ARHGEF18: variants seen among roughly 807,000 people sequenced by gnomAD.
The protein encoded by ARHGEF18 is Rho/Rac guanine nucleotide exchange factor 18.
ARHGEF18 carries 93 observed loss-of-function variants against 155.7 expected under a neutral mutation model. That is an observed-to-expected ratio of 0.60 (90% confidence interval 0.50 to 0.71). ARHGEF18 has a LOEUF of 0.71. Among genes scored for constraint, ARHGEF18 ranks in the 30% least tolerant of loss-of-function variants. The probability of loss-of-function intolerance (pLI) is 0.00; values close to 1 mark genes in which losing one functional copy is unlikely to be tolerated. For synonymous variants in ARHGEF18, 742 were observed against 753.1 expected (o/e 0.99, Z 0.24); for missense variants, 1,593 against 1,816.1 (o/e 0.88, Z 2.23).
intron 10 of ARHGEF18, among the ~76,000 whole-genome samples, chr19:7,411,616 C>T (rs1972692578): frequency 6.6e-6 from 1 of 152,024 alleles, no homozygotes; most frequent in South Asian, 2.1e-4. Flanking sequence ...CAAGTGGCAT[C>T]TTTTTTTAAA....
At chr19:7,381,691 T>TAAATAATAAATAAATA (rs533011251) in intron 8 of ARHGEF18, among the ~76,000 whole-genome samples, 2,187 of 146,076 alleles carry the variant, frequency 0.015, 57 homozygotes, top group African/African-American at 0.052. Context: ...AATAAATAAA[T>TAAATAATAAATAAATA]AATAAATAAA....
Position 7,440,452 on chromosome 19 carries a change from C to T in ARHGEF18, c.1076C>T (p.Pro359Leu), listed in dbSNP as rs751248837. Residue 359 changes from proline to leucine, a missense_variant, in exon 11 of 29, where the codon CCG becomes CTG. By Grantham distance (98) the Pro-to-Leu change is moderately conservative. Coordinates refer to ENST00000668164, the MANE Select transcript of ARHGEF18 (RefSeq NM_001367823.1). The surrounding 1 kb of genome is among the most constrained non-coding windows in gnomAD (Gnocchi z 5.4). Reference sequence around the variant, plus strand: ...CAGAAAGGGGGTCCCCAGCCAACACCGAGCCCGGCTGGCCCTGGGACGCAA... The same window carrying T: ...CAGAAAGGGGGTCCCCAGCCAACACTGAGCCCGGCTGGCCCTGGGACGCAA... ...VSQKGGPQPT[P>L]SPAGPGTQLG... 1.1e-5 allele frequency: 17 copies of T among 1,600,126 alleles called. No individual in the cohort carries two copies. The highest frequency in any genetic ancestry group is 3.3e-5 in the Admixed American group (2 of 59,988).
chr19:7,377,228 G>C (rs1293921856), intron 5 of ARHGEF18, among the ~76,000 whole-genome samples: 3 of 152,020 alleles, frequency 2.0e-5, no homozygotes, highest in African/African-American at 7.2e-5. Context: ...CCGCTACCAT[G>C]CCCGGCTAAT....
intron 10 of ARHGEF18, chr19:7,439,783 C>T (rs11668829): frequency 0.34 from 476,866 of 1,412,486 alleles, 82,285 homozygotes; most frequent in Middle Eastern, 0.44. Flanking sequence ...ATGAAGCACG[C>T]CAGGCTCACC....
At chr19:7,388,786 G>A (rs1374711347) in intron 10 of ARHGEF18, among the ~76,000 whole-genome samples, 8 of 151,534 alleles carry the variant, frequency 5.3e-5, no homozygotes, top group Admixed American at 2.0e-4. Context: ...TCACCATGTT[G>A]GCCAGGCTGG....
chr19:7,362,763 T>C lies in ARHGEF18; in HGVS notation c.-110-18T>C. 3 of 1,233,442 alleles carry C rather than the reference T, an allele frequency of 2.4e-6. No individual in the cohort carries two copies. The highest frequency in any genetic ancestry group is 3.0e-6 in the Non-Finnish European group (3 of 987,856). The allele number at this position is 1,233,442 out of a possible 1,614,324, so 76.4% of individuals were successfully genotyped here. A position where few individuals can be genotyped will look rare whatever the true frequency, so the allele number is the denominator to read the frequency against. ...CTCCCAGCTTATCCCTGACACCTTG[T>C]CCCTCCTTTCTCCACAGGCTCTGAG... On this transcript the variant is annotated intron_variant, in intron 1 of 28. Coordinates refer to ENST00000668164, the MANE Select transcript of ARHGEF18 (RefSeq NM_001367823.1).
At chr19:7,410,682 C>T (rs1272108127) in intron 10 of ARHGEF18, among the ~76,000 whole-genome samples, 5 of 151,472 alleles carry the variant, frequency 3.3e-5, no homozygotes, top group African/African-American at 7.3e-5. Context: ...TGGTGGCATG[C>T]ACCTATAATC....
intron 10 of ARHGEF18, among the ~76,000 whole-genome samples, chr19:7,390,274 A>G (rs939459822): frequency 1.3e-5 from 2 of 152,112 alleles, no homozygotes; most frequent in African/African-American, 4.8e-5. Flanking sequence ...TGGGAGACCA[A>G]GGTGGGAGGA....
chr19:7,411,808 TCTA>T (rs1381850406), intron 10 of ARHGEF18, among the ~76,000 whole-genome samples: 1 of 152,042 alleles, frequency 6.6e-6, no homozygotes, highest in African/African-American at 2.4e-5. Flanking sequence ...ACTTCCTGTC[TCTA>T]TGAATCTGAC....
intron 10 of ARHGEF18, among the ~76,000 whole-genome samples, chr19:7,386,855 T>C (rs918617): frequency 0.12 from 17,696 of 151,940 alleles, 2,024 homozygotes; most frequent in African/African-American, 0.29. Context: ...TGTGTGAGCC[T>C]GGAAGTTCCC....
intron 15 of ARHGEF18, among the ~76,000 whole-genome samples, chr19:7,450,669 C>T (rs1600488882): frequency 4.6e-5 from 7 of 151,552 alleles, no homozygotes; most frequent in South Asian, 4.2e-4. Flanking sequence ...TGTCCATTTC[C>T]GAGATGTTAA....
At chr19:7,353,695 G>T (rs1969211523) in intron 1 of ARHGEF18, among the ~76,000 whole-genome samples, 1 of 151,928 alleles carries the variant, frequency 6.6e-6, no homozygotes. Context: ...GCTCACACCT[G>T]TAATCCCAGT....
At chr19:7,396,505 C>G (rs1353715710) in intron 10 of ARHGEF18, among the ~76,000 whole-genome samples, 1 of 152,088 alleles carries the variant, frequency 6.6e-6, no homozygotes, top group African/African-American at 2.4e-5. Flanking sequence ...ATCACGAGGT[C>G]AGGAGATCGA....
At chr19:7,456,172 G>T (rs1393991633) in intron 17 of ARHGEF18, among the ~76,000 whole-genome samples, 155 bp from the exon 18 acceptor site, 1 of 152,170 alleles carries the variant, frequency 6.6e-6, no homozygotes, top group Non-Finnish European at 1.5e-5. Context: ...GAAAGGTGAT[G>T]GGGGGTGCAG....
At chr19:7,364,683 G>T (rs546503806) in intron 2 of ARHGEF18, among the ~76,000 whole-genome samples, 1 of 152,296 alleles carries the variant, frequency 6.6e-6, no homozygotes, top group African/African-American at 2.4e-5. Flanking sequence ...CTGGGACTGA[G>T]GTCGTGGCAA....
intron 10 of ARHGEF18, among the ~76,000 whole-genome samples, chr19:7,419,932 C>T (rs567408312): frequency 1.7e-4 from 26 of 151,790 alleles, no homozygotes; most frequent in Non-Finnish European, 3.1e-4. Flanking sequence ...CACTCGGCCT[C>T]TGTACCCCAG....
Position 7,373,077 on chromosome 19 carries a change from T to C in ARHGEF18, c.275+6T>C. 1 of 1,234,516 alleles carries C rather than the reference T, an allele frequency of 8.1e-7. No homozygotes were observed. Among genetic ancestry groups the C allele is most frequent in the Non-Finnish European group, 1.0e-6 (1 of 988,342 alleles). 76.5% of individuals were successfully genotyped at this position (1,234,516 alleles called of 1,614,324 possible). ...TGCTCAGAGAGCTGGCGGAGGTCAGTTCCCCACTGCTGCCTGCTTCCCACA... is the reference window on the plus strand; with the variant it reads ...TGCTCAGAGAGCTGGCGGAGGTCAGCTCCCCACTGCTGCCTGCTTCCCACA... On this transcript the variant is annotated splice_donor_region_variant and intron_variant, in intron 3 of 28. Transcript: ENST00000668164.
chr19:7,385,937 CCCCTCTCCCTCT>C (rs1971036366), intron 10 of ARHGEF18, among the ~76,000 whole-genome samples: 1 of 76,108 alleles, frequency 1.3e-5, no homozygotes, highest in African/African-American at 6.5e-5. Context: ...TCTCTCTCTC[CCCCTCTCCCTCT>C]CTCTCTCTCC....
In ARHGEF18 at chr19:7,467,577, G is replaced by A. The variant is rs1370771961; in HGVS notation, c.3373G>A (p.Glu1125Lys). 2 of 1,499,828 alleles carry A rather than the reference G, an allele frequency of 1.3e-6. No individual in the cohort carries two copies. The highest frequency in any genetic ancestry group is 1.2e-5 in the South Asian group (1 of 80,292). 92.9% of individuals were successfully genotyped at this position (1,499,828 alleles called of 1,614,324 possible). Residue 1125 changes from glutamate (E) to lysine (K), a missense_variant, in exon 26 of 29, where the codon GAG becomes AAG. Transcript: ENST00000668164. ...AYQHDLERLR[E>K]AQRAVERERE... ...CCAGCACGACCTGGAGCGGCTGCGC[G>A]AGGCCCAGCGTGCCGTGGAGCGCGA...
Sources: allele counts gnomAD v4.1 joint callset (sites outside exome capture counted in the v4.1 genomes callset), GRCh38; gene constraint gnomAD v4.1.1; non-coding constraint Gnocchi (gnomAD v3.1); transcripts MANE v1.5; gene names NCBI Gene and HGNC (gene_info 2026-07-23, HGNC 2026-07-21).